Variants in MARCHF1 observed in about 807,000 individuals in gnomAD.
The protein encoded by MARCHF1 is membrane associated ring-CH-type finger 1.
MARCHF1 carries 40 observed loss-of-function variants against 54.2 expected under a neutral mutation model. That is an observed-to-expected ratio of 0.74 (90% CI 0.57 to 0.96). The LOEUF is 0.96. MARCHF1 is among the 40% of genes least tolerant of loss of function. The pLI is 0.00. For synonymous variants in MARCHF1, 236 were observed against 236.3 expected (o/e 1.00, Z 0.01); for missense variants, 586 against 656.5 (o/e 0.89, Z 1.17).
chr4:163,731,702 C>T (rs1031392501), intron 4 of MARCHF1, among the ~76,000 whole-genome samples: 9 of 152,124 alleles, frequency 5.9e-5, no homozygotes, highest in African/African-American at 1.9e-4. Context: ...AAGAAACTAC[C>T]TAAAGGAATC....
At chr4:164,151,472 A>G (rs978090402) in intron 1 of MARCHF1, among the ~76,000 whole-genome samples, 1 of 152,196 alleles carries the variant, frequency 6.6e-6, no homozygotes, top group Non-Finnish European at 1.5e-5. Flanking sequence ...TTAATGTTAC[A>G]AACAATAGTC....
intron 2 of MARCHF1, among the ~76,000 whole-genome samples, chr4:164,038,787 A>G (rs1162563902): frequency 6.6e-6 from 1 of 152,178 alleles, no homozygotes; most frequent in East Asian, 1.9e-4. Context: ...TGGTACATTT[A>G]TTAATACCAT....
At chr4:164,018,767 A>G (rs1753600198) in intron 2 of MARCHF1, among the ~76,000 whole-genome samples, 1 of 152,184 alleles carries the variant, frequency 6.6e-6, no homozygotes, top group Non-Finnish European at 1.5e-5. Flanking sequence ...ACTTTTGCTT[A>G]TCATAATAAT....
intron 3 of MARCHF1, among the ~76,000 whole-genome samples, chr4:163,926,892 A>G (rs1003505974): frequency 2.0e-5 from 3 of 151,622 alleles, no homozygotes; most frequent in African/African-American, 7.2e-5. Context: ...TGCTAGCAAA[A>G]TTAAAAAAAA....
chr4:163,744,815 A>G (rs1746309655), intron 4 of MARCHF1, among the ~76,000 whole-genome samples: 1 of 152,190 alleles, frequency 6.6e-6, no homozygotes, highest in South Asian at 2.1e-4. Flanking sequence ...TTTTAAATAC[A>G]GTAAAATTGA....
intron 1 of MARCHF1, among the ~76,000 whole-genome samples, chr4:164,176,817 T>A (rs887968114): frequency 2.6e-5 from 4 of 151,700 alleles, no homozygotes; most frequent in Non-Finnish European, 5.9e-5. Flanking sequence ...GGAAACACAC[T>A]GAGTGTCTGA....
chr4:163,964,627 A>G (rs1752406937), intron 3 of MARCHF1, among the ~76,000 whole-genome samples: 1 of 152,004 alleles, frequency 6.6e-6, no homozygotes, highest in Admixed American at 6.6e-5. Flanking sequence ...CTTGTAAATC[A>G]GGTCAAATAA....
At chr4:163,841,206 T>C (rs1749327177) in intron 4 of MARCHF1, among the ~76,000 whole-genome samples, 1 of 152,106 alleles carries the variant, frequency 6.6e-6, no homozygotes, top group Admixed American at 6.6e-5. Context: ...AAACATGCGA[T>C]TATAAATTTG....
At chr4:163,718,946 C>T (rs115475247) in intron 4 of MARCHF1, among the ~76,000 whole-genome samples, 68 of 152,262 alleles carry the variant, frequency 4.5e-4, no homozygotes, top group African/African-American at 1.6e-3. Context: ...AGATCACTTT[C>T]TACATGAAAT....
intron 2 of MARCHF1, among the ~76,000 whole-genome samples, chr4:164,066,141 A>G (rs1328273687): frequency 6.6e-6 from 1 of 151,962 alleles, no homozygotes; most frequent in Non-Finnish European, 1.5e-5. Flanking sequence ...ACAAAGGTAT[A>G]ATATCCAGCA....
At chr4:164,237,097 C>T (rs1307049501) in intron 1 of MARCHF1, among the ~76,000 whole-genome samples, 1 of 152,148 alleles carries the variant, frequency 6.6e-6, no homozygotes, top group Non-Finnish European at 1.5e-5. Context: ...TTTTCCTTGA[C>T]CATGCCATGT....
intron 1 of MARCHF1, among the ~76,000 whole-genome samples, chr4:164,251,959 A>C (rs1477658359): frequency 6.6e-6 from 1 of 152,230 alleles, no homozygotes; most frequent in African/African-American, 2.4e-5. Context: ...TAAGAAATTA[A>C]TAATTTTCAT....
intron 5 of MARCHF1, among the ~76,000 whole-genome samples, chr4:163,643,977 G>A (rs1388577174): frequency 6.6e-6 from 1 of 152,034 alleles, no homozygotes; most frequent in Non-Finnish European, 1.5e-5. Context: ...GTTTTCCTAT[G>A]CTTTCTTAAA....
intron 1 of MARCHF1, chr4:164,135,632 T>G (rs1241066792): frequency 6.6e-6 from 1 of 152,052 alleles, no homozygotes; most frequent in East Asian, 1.9e-4. Context: ...TTCAATCACC[T>G]CCCACAAGGT....
intron 1 of MARCHF1, among the ~76,000 whole-genome samples, chr4:164,163,693 A>G (rs1242417241): frequency 6.6e-6 from 1 of 151,932 alleles, no homozygotes; most frequent in Non-Finnish European, 1.5e-5. Context: ...AGAATGAATA[A>G]TCAGAAAATT....
At chr4:163,978,479 C>T (rs921058954) in intron 3 of MARCHF1, among the ~76,000 whole-genome samples, 1 of 152,038 alleles carries the variant, frequency 6.6e-6, no homozygotes, top group Non-Finnish European at 1.5e-5. Flanking sequence ...CATTTGAAGT[C>T]TCATAACTTT....
chr4:163,542,998 G>C (rs1738771067), intron 9 of MARCHF1, among the ~76,000 whole-genome samples: 1 of 152,154 alleles, frequency 6.6e-6, no homozygotes, highest in Non-Finnish European at 1.5e-5. Flanking sequence ...TTTACAGAGA[G>C]AGGAAAGCTG....
intron 3 of MARCHF1, among the ~76,000 whole-genome samples, chr4:163,881,395 T>C (rs1257420930): frequency 6.6e-6 from 1 of 151,964 alleles, no homozygotes; most frequent in Non-Finnish European, 1.5e-5. Context: ...CGCTTGAACC[T>C]GGGAGGCAGA....
intron 1 of MARCHF1, among the ~76,000 whole-genome samples, chr4:164,356,654 C>A (rs1202889652): frequency 7.1e-6 from 1 of 141,396 alleles, no homozygotes; most frequent in African/African-American, 2.6e-5. Context: ...GGGAGATATA[C>A]CTAAGGCTAG....
Sources: allele counts gnomAD v4.1 joint callset (sites outside exome capture counted in the v4.1 genomes callset), GRCh38; gene constraint gnomAD v4.1.1; transcripts MANE v1.5; gene names NCBI Gene and HGNC (gene_info 2026-07-23, HGNC 2026-07-21).